HMGXB4: variants seen among roughly 807,000 people sequenced by gnomAD.
The protein encoded by HMGXB4 is HMG domain-containing protein 4.
A neutral mutation model predicts 63.9 loss-of-function variants in HMGXB4; 27 were observed. That is an observed-to-expected ratio of 0.42 (90% confidence interval 0.31 to 0.58). The LOEUF (loss-of-function observed/expected upper bound fraction) is 0.58. Among genes scored for constraint, HMGXB4 ranks in the 20% least tolerant of loss-of-function variants. HMGXB4 has a pLI of 0.13. For synonymous variants in HMGXB4, 264 were observed against 265.3 expected (o/e 0.99, Z 0.05); for missense variants, 624 against 700.7 (o/e 0.89, Z 1.24).
chr22:35,271,494 C>T (rs1281563675), intron 5 of HMGXB4, among the ~76,000 whole-genome samples: 4 of 152,162 alleles, frequency 2.6e-5, no homozygotes, highest in East Asian at 1.9e-4. Flanking sequence ...TCGTTGAGAG[C>T]GTGGGCTGTG....
chr22:35,288,279 C>A lies in HMGXB4; in HGVS notation c.1510C>A (p.Pro504Thr). 1 of 1,605,776 alleles carries A rather than the reference C, an allele frequency of 6.2e-7. No individual in the cohort carries two copies. Among genetic ancestry groups the A allele is most frequent in the Non-Finnish European group, 8.5e-7 (1 of 1,175,538 alleles). Residue 504 changes from proline (P) to threonine (T), a missense_variant, in exon 9 of 11, where the codon CCC becomes ACC. Transcript: ENST00000216106. Reference protein sequence around the residue: ...GVLSPQKKSPPTTMLLPASPA... With the variant: ...GVLSPQKKSPTTTMLLPASPA... ...ACTGTCACCCCAGAAGAAGTCCCCA[C>A]CCACCACCATGCTGTTACCAGCCTC...
intron 5 of HMGXB4, among the ~76,000 whole-genome samples, chr22:35,272,442 G>C (rs192566098): frequency 6.6e-6 from 1 of 152,268 alleles, no homozygotes; most frequent in African/African-American, 2.4e-5. Flanking sequence ...TGTTTGGTTG[G>C]TTGGTTGGTT....
intron 9 of HMGXB4, 127 bp downstream of exon 9, chr22:35,288,534 A>G: frequency 1.7e-6 from 1 of 601,870 alleles, no homozygotes; most frequent in Non-Finnish European, 2.6e-6. Context: ...CCAGGTTCTC[A>G]GGATGGCGTA....
intron 5 of HMGXB4, among the ~76,000 whole-genome samples, chr22:35,270,992 A>G (rs1205502584): frequency 6.6e-6 from 1 of 152,194 alleles, no homozygotes; most frequent in Non-Finnish European, 1.5e-5. Flanking sequence ...GGCAGGCGCA[A>G]TGGCATGCAC....
chr22:35,268,699 G>GT (rs1413581354), intron 5 of HMGXB4, among the ~76,000 whole-genome samples: 1 of 152,200 alleles, frequency 6.6e-6, no homozygotes, highest in Non-Finnish European at 1.5e-5. Context: ...TAAATATCAG[G>GT]TAAGTTGAAA....
At chr22:35,283,929 T>A (rs1924414857) in intron 5 of HMGXB4, 33 bp from the exon 6 acceptor site, 1 of 1,526,150 alleles carries the variant, frequency 6.6e-7, no homozygotes, top group Non-Finnish European at 9.1e-7. Flanking sequence ...TCTAATCAAG[T>A]CTTACCCTGT....
At chr22:35,284,098 G>A in intron 6 of HMGXB4, 55 bp downstream of exon 6, 2 of 1,223,280 alleles carry the variant, frequency 1.6e-6, no homozygotes, top group Non-Finnish European at 2.4e-6. Context: ...TCTTGAAGCA[G>A]TGCGATTAAT....
intron 5 of HMGXB4, among the ~76,000 whole-genome samples, chr22:35,277,640 G>A (rs1923991710): frequency 6.6e-6 from 1 of 152,194 alleles, no homozygotes; most frequent in African/African-American, 2.4e-5. Flanking sequence ...GAGCCACTGC[G>A]CCCAGCCAAT....
chr22:35,246,765 T>C, the HMGXB4 span, among the ~76,000 whole-genome samples: 1 of 152,246 alleles, frequency 6.6e-6, no homozygotes, highest in African/African-American at 2.4e-5. Context: ...TTCTGCCTTC[T>C]TCTCCCCACC....
In HMGXB4 at chr22:35,294,791, GC is replaced by G. The variant is rs1225861398; in HGVS notation, c.*1143del. The G allele has an allele frequency of 6.6e-6, 1 of 151,718 alleles. No homozygotes were observed. The highest frequency in any genetic ancestry group is 2.4e-5 in the African/African-American group (1 of 41,270). The allele number at this position is 151,718 out of a possible 1,614,324, so 9.4% of individuals were successfully genotyped here. A position where few individuals can be genotyped will look rare whatever the true frequency, so the allele number is the denominator to read the frequency against. ...TACAGATTTGTCATTTCTCCCTTCC[GC>G]CCTCCCTTCTTTCCTTCCTTCCTTC... On this transcript the variant is annotated 3_prime_UTR_variant, in exon 11 of 11. Transcript: ENST00000216106.
chr22:35,248,547 G>A, the HMGXB4 span, among the ~76,000 whole-genome samples: 1 of 151,858 alleles, frequency 6.6e-6, no homozygotes, highest in Non-Finnish European at 1.5e-5. Context: ...TGGGACTACA[G>A]GCGCTCGCCA....
chr22:35,294,929 A>G lies in HMGXB4; in HGVS notation c.*1278A>G, dbSNP rs1460398288. The G allele has an allele frequency of 1.3e-5, 2 of 152,118 alleles. No individual in the cohort carries two copies. The highest frequency in any genetic ancestry group is 2.4e-5 in the African/African-American group (1 of 41,404). The allele number at this position is 152,118 out of a possible 1,614,324, so 9.4% of individuals were successfully genotyped here. On this transcript the variant is annotated 3_prime_UTR_variant, in exon 11 of 11. Coordinates refer to ENST00000216106, the MANE Select transcript of HMGXB4 (RefSeq NM_001003681.3). ...AATGAATCATTGTGTTAGGATTCTAATTCTTTATAAAGAACTTCATGGGCT... is the reference window on the plus strand; with the variant it reads ...AATGAATCATTGTGTTAGGATTCTAGTTCTTTATAAAGAACTTCATGGGCT...
intron 7 of HMGXB4, 146 bp from the exon 8 acceptor site, chr22:35,287,201 C>T (rs375847125): frequency 4.8e-5 from 30 of 626,018 alleles, no homozygotes; most frequent in Middle Eastern, 4.3e-4. Flanking sequence ...GTTCGGTGAC[C>T]CCCAGCTTAA....
chr22:35,273,134 T>C (rs1412808228), intron 5 of HMGXB4, among the ~76,000 whole-genome samples: 1 of 152,164 alleles, frequency 6.6e-6, no homozygotes, highest in Non-Finnish European at 1.5e-5. Flanking sequence ...ACATTAGTTC[T>C]CTCTCTGGCA....
chr22:35,277,449 A>G (rs1923979727), intron 5 of HMGXB4, among the ~76,000 whole-genome samples: 2 of 152,170 alleles, frequency 1.3e-5, no homozygotes, highest in Non-Finnish European at 2.9e-5. Flanking sequence ...TCCAGGTTCA[A>G]GTGATTCTCA....
At chr22:35,271,921 G>C (rs966192624) in intron 5 of HMGXB4, among the ~76,000 whole-genome samples, 4 of 152,210 alleles carry the variant, frequency 2.6e-5, no homozygotes, top group African/African-American at 9.6e-5. Flanking sequence ...TAAGCACTGT[G>C]AACCAAGAAC....
At chr22:35,270,029 G>C (rs1923506020) in intron 5 of HMGXB4, among the ~76,000 whole-genome samples, 1 of 152,100 alleles carries the variant, frequency 6.6e-6, no homozygotes, top group African/African-American at 2.4e-5. Flanking sequence ...AAATTGAAGA[G>C]GTTGATTCAA....
intron 4 of HMGXB4, chr22:35,264,150 C>T (rs1923042417): frequency 1.7e-6 from 2 of 1,161,124 alleles, no homozygotes; most frequent in African/African-American, 1.5e-5. Context: ...CCATTGTTAT[C>T]TAGCATCCCT....
chr22:35,264,571 G>A, intron 4 of HMGXB4, 77 bp from the exon 5 acceptor site: 3 of 960,696 alleles, frequency 3.1e-6, no homozygotes, highest in South Asian at 3.4e-5. Context: ...TGTTAGCTAG[G>A]TGCTTTTGAT....
Sources: gnomAD v4.1 joint callset for allele counts (sites outside exome capture counted in the v4.1 genomes callset) on GRCh38, gnomAD v4.1.1 for gene constraint, MANE v1.5 for transcripts, NCBI Gene and HGNC (gene_info 2026-07-23, HGNC 2026-07-21) for gene names.